Variants in ROBO2 observed in about 807,000 individuals in gnomAD.
ROBO2 encodes roundabout homolog 2.
Under a neutral mutation model 160.8 loss-of-function variants are expected in ROBO2, and 53 were observed. The ratio of observed to expected loss-of-function variants is 0.33; its 90% CI spans 0.26 to 0.41. The LOEUF is 0.41. Among genes scored for constraint, ROBO2 ranks in the 10% least tolerant of loss-of-function variants. The pLI is 1.00. For missense variants in ROBO2, 1,577 were observed against 1,722.4 expected, an observed-to-expected ratio of 0.92 and a Z score of 1.49; for synonymous variants, 664 against 611.7, an observed-to-expected ratio of 1.09 and a Z score of -1.26.
intron 2 of ROBO2, among the ~76,000 whole-genome samples, chr3:77,003,158 T>C (rs2149427612): frequency 6.6e-6 from 1 of 152,260 alleles, no homozygotes; most frequent in African/African-American, 2.4e-5. Context: ...CCTTTGTAGT[T>C]CCTTAAACTA....
At chr3:76,548,832 T>A (rs2083260030) in intron 2 of ROBO2, among the ~76,000 whole-genome samples, 1 of 151,946 alleles carries the variant, frequency 6.6e-6, no homozygotes, top group African/African-American at 2.4e-5. Context: ...AAGAAAGCAT[T>A]CAATTACCAG....
At chr3:76,066,099 A>G (rs1046391923) in intron 2 of ROBO2, among the ~76,000 whole-genome samples, 3 of 152,100 alleles carry the variant, frequency 2.0e-5, no homozygotes, top group Admixed American at 2.0e-4. Context: ...TACAAATGTG[A>G]CATGATCTCA....
At chr3:77,208,556 A>T (rs2083715077) in intron 2 of ROBO2, among the ~76,000 whole-genome samples, 1 of 152,098 alleles carries the variant, frequency 6.6e-6, no homozygotes, top group South Asian at 2.1e-4. Flanking sequence ...GCTCCTGAAG[A>T]CCCATTAGAC....
At chr3:76,850,072 A>G (rs1314026152) in intron 2 of ROBO2, among the ~76,000 whole-genome samples, 1 of 152,172 alleles carries the variant, frequency 6.6e-6, no homozygotes, top group Non-Finnish European at 1.5e-5. Context: ...CTCTAGTCCC[A>G]GCTACTCAGG....
At chr3:77,168,112 C>G (rs2079271939) in intron 2 of ROBO2, among the ~76,000 whole-genome samples, 1 of 152,134 alleles carries the variant, frequency 6.6e-6, no homozygotes, top group Admixed American at 6.5e-5. Context: ...TGATTGTGTC[C>G]ATGTAGTAAA....
chr3:75,914,933 G>A (rs1194363107), intron 1 of ROBO2, among the ~76,000 whole-genome samples: 1 of 152,166 alleles, frequency 6.6e-6, no homozygotes, highest in African/African-American at 2.4e-5. Context: ...TCATTAGCAG[G>A]CCAGCTGTTC....
intron 1 of ROBO2, among the ~76,000 whole-genome samples, chr3:75,935,440 G>C (rs185393672): frequency 1.3e-5 from 2 of 152,150 alleles, no homozygotes; most frequent in Admixed American, 1.3e-4. Flanking sequence ...TTGAGCCTAG[G>C]AGTTGGAGTC....
intron 2 of ROBO2, among the ~76,000 whole-genome samples, chr3:76,992,300 A>G (rs979218550): frequency 1.4e-5 from 2 of 144,934 alleles, no homozygotes; most frequent in East Asian, 4.0e-4. Context: ...ACCATTCTAT[A>G]GAAGCTATCT....
chr3:76,767,183 A>C (rs1469253107), intron 2 of ROBO2, among the ~76,000 whole-genome samples: 2 of 151,598 alleles, frequency 1.3e-5, no homozygotes, highest in African/African-American at 4.8e-5. Flanking sequence ...GGCTACTACA[A>C]AAGCCTTTTA....
exon 26 of ROBO2, chr3:77,647,698 C>A (rs1253405436): frequency 6.6e-6 from 1 of 152,126 alleles, no homozygotes; most frequent in Non-Finnish European, 1.5e-5. Flanking sequence ...GTTTCCTACA[C>A]AATCTTAAAT....
At chr3:76,366,728 T>A (rs2075829666) in intron 2 of ROBO2, among the ~76,000 whole-genome samples, 1 of 152,012 alleles carries the variant, frequency 6.6e-6, no homozygotes, top group African/African-American at 2.4e-5. Context: ...TAGTAAACCA[T>A]ACACCAAAAA....
chr3:77,285,690 C>T (rs7629183), intron 2 of ROBO2, among the ~76,000 whole-genome samples: 48,139 of 151,988 alleles, frequency 0.32, 8,037 homozygotes, highest in Non-Finnish European at 0.37. Flanking sequence ...TATCATTGCG[C>T]TATTCTCCAA....
At chr3:76,892,601 T>G (rs1314022291) in intron 2 of ROBO2, among the ~76,000 whole-genome samples, 3 of 152,096 alleles carry the variant, frequency 2.0e-5, no homozygotes, top group Non-Finnish European at 4.4e-5. Flanking sequence ...AAATGTAAGC[T>G]CTATATGCTT....
At chr3:77,040,067 C>CCTCCCTCG (rs898445636) in exon 1 of ROBO2, 2 of 640,826 alleles carry the variant, frequency 3.1e-6, no homozygotes, top group Non-Finnish European at 3.9e-6. Flanking sequence ...TCCCTCCCTC[C>CCTCCCTCG]CTCCCTCGCT....
chr3:77,047,749 A>C (rs2149669392), intron 1 of ROBO2, among the ~76,000 whole-genome samples: 1 of 149,160 alleles, frequency 6.7e-6, no homozygotes, highest in South Asian at 2.1e-4. Context: ...AGATGTATAT[A>C]AAGATATATA....
chr3:76,868,752 C>T (rs1006886913), intron 2 of ROBO2, among the ~76,000 whole-genome samples: 2 of 151,068 alleles, frequency 1.3e-5, no homozygotes, highest in African/African-American at 2.4e-5. Context: ...AAAAATCACT[C>T]GATGATTTTT....
chr3:76,982,167 C>T (rs1014144962), intron 2 of ROBO2, among the ~76,000 whole-genome samples: 2 of 152,174 alleles, frequency 1.3e-5, no homozygotes, highest in Admixed American at 6.5e-5. Context: ...AATTCAAGCT[C>T]ATTAAGATTT....
intron 2 of ROBO2, among the ~76,000 whole-genome samples, chr3:76,104,006 C>A (rs949671495): frequency 6.6e-6 from 1 of 152,228 alleles, no homozygotes; most frequent in Admixed American, 6.5e-5. Flanking sequence ...TTTCACTTTC[C>A]CTGTAAGGTA....
chr3:77,200,490 C>T (rs2082805115), intron 2 of ROBO2, among the ~76,000 whole-genome samples: 1 of 151,450 alleles, frequency 6.6e-6, no homozygotes, highest in Admixed American at 6.6e-5. Flanking sequence ...ATCACCCCCT[C>T]ATCAGTCATA....
Sources: allele counts gnomAD v4.1 joint callset (sites outside exome capture counted in the v4.1 genomes callset), GRCh38; gene constraint gnomAD v4.1.1; transcripts MANE v1.5; gene names NCBI Gene and HGNC (gene_info 2026-07-23, HGNC 2026-07-21).